The following PAPPA2 variants were observed in gnomAD, a reference collection of about 807,000 sequenced individuals.
PAPPA2 encodes the protein pappalysin 2.
In PAPPA2, 86 loss-of-function variants were observed where a neutral mutation model predicts 176.4. The observed-to-expected ratio is 0.49, with a 90% CI of 0.41 to 0.58. The LOEUF (loss-of-function observed/expected upper bound fraction) is 0.58, where lower values mean the gene tolerates loss of function less well. Among genes scored for constraint, PAPPA2 ranks in the 20% least tolerant of loss-of-function variants. The pLI, the probability that PAPPA2 is intolerant of heterozygous loss-of-function variation, is 0.00. For synonymous variants in PAPPA2, 809 were observed against 852.2 expected (o/e 0.95, Z 0.88); for missense variants, 2,073 against 2,256.9 (o/e 0.92, Z 1.65).
At position 176,556,974 on chromosome 1, in the gene PAPPA2, C is replaced by G; in HGVS notation, c.652C>G (p.His218Asp). 1 of 1,614,124 alleles carries G rather than the reference C, an allele frequency of 6.2e-7. No homozygotes were observed. The highest frequency in any genetic ancestry group is 1.3e-5 in the African/African-American group (1 of 75,030). ...GCAGGGAGACTCCGGTATCTCTTCACATTTCCAACCTTGGCCCAAGCATTC... is the reference window on the plus strand; with the variant it reads ...GCAGGGAGACTCCGGTATCTCTTCAGATTTCCAACCTTGGCCCAAGCATTC... ...DGQGDSGISS[H>D]FQPWPKHSLK... Residue 218 changes from histidine (H) to aspartate (D), a missense_variant, in exon 2 of 23, where the codon CAT becomes GAT. Physicochemically the swap from His to Asp is moderately conservative, Grantham distance 81. This residue lies in a region of PAPPA2 where 1,196 missense variants were observed against 1,330.4 expected (regional missense o/e 0.90). Coordinates refer to ENST00000367662, the MANE Select transcript of PAPPA2 (RefSeq NM_020318.3).
intron 18 of PAPPA2, among the ~76,000 whole-genome samples, chr1:176,790,669 G>T (rs763070555): frequency 6.6e-6 from 1 of 152,262 alleles, no homozygotes; most frequent in South Asian, 2.1e-4. Flanking sequence ...CGGTTGCACT[G>T]ATGGGTTAAG....
chr1:176,816,845 G>GT (rs1028887030), intron 21 of PAPPA2, among the ~76,000 whole-genome samples: 2 of 152,080 alleles, frequency 1.3e-5, no homozygotes, highest in African/African-American at 2.4e-5. Context: ...TTACTTTGCT[G>GT]TTTTTTCTCT....
chr1:176,791,529 T>C (rs757740300), intron 19 of PAPPA2, 47 bp downstream of exon 19: 5 of 1,567,288 alleles, frequency 3.2e-6, no homozygotes, highest in African/African-American at 2.7e-5. Context: ...GTCATTCTTT[T>C]ATTAAGCACA....
At chr1:176,622,736 C>T (rs1326811179) in intron 3 of PAPPA2, among the ~76,000 whole-genome samples, 2 of 152,156 alleles carry the variant, frequency 1.3e-5, no homozygotes, top group East Asian at 3.9e-4. Context: ...CTTTCAAAAT[C>T]AACTGTTTTG....
intron 1 of PAPPA2, among the ~76,000 whole-genome samples, chr1:176,531,318 C>T (rs1174483235): frequency 6.6e-6 from 1 of 152,140 alleles, no homozygotes; most frequent in Non-Finnish European, 1.5e-5. Flanking sequence ...TATCAAAGTC[C>T]AAGGCTGTGG....
chr1:176,658,552 C>T (rs942207997), intron 3 of PAPPA2, among the ~76,000 whole-genome samples: 1 of 151,808 alleles, frequency 6.6e-6, no homozygotes, highest in African/African-American at 2.4e-5. Context: ...TTATTTTAGG[C>T]TGGGGTGATC....
Position 176,842,556 on chromosome 1 carries a change from T to C in PAPPA2, c.*102T>C. On this transcript the variant is annotated 3_prime_UTR_variant, in exon 23 of 23. Coordinates refer to ENST00000367662, the MANE Select transcript of PAPPA2 (RefSeq NM_020318.3). ...TGAATGAAGAAGAACAATCATGAAA[T>C]GGAAGAAGGAGGAAGAGCATGAAGG... The C allele has an allele frequency of 9.3e-7, 1 of 1,080,686 alleles. No individual in the cohort carries two copies. Among genetic ancestry groups the C allele is most frequent in the Non-Finnish European group, 1.4e-6 (1 of 722,646 alleles). The allele number at this position is 1,080,686 out of a possible 1,614,324, so 66.9% of individuals were successfully genotyped here.
intron 1 of PAPPA2, among the ~76,000 whole-genome samples, chr1:176,522,060 C>T (rs987046661): frequency 3.9e-5 from 6 of 152,276 alleles, no homozygotes; most frequent in Non-Finnish European, 5.9e-5. Context: ...GACCTAGATC[C>T]AAACTCTGGC....
At chr1:176,480,465 G>A (rs1249370763) in intron 1 of PAPPA2, among the ~76,000 whole-genome samples, 2 of 152,152 alleles carry the variant, frequency 1.3e-5, no homozygotes, top group Non-Finnish European at 2.9e-5. Context: ...GAACTGAGAG[G>A]CTAAGCAGGG....
In PAPPA2 at chr1:176,810,250, C is replaced by T. The variant is rs1666090850; in HGVS notation, c.5202+10118C>T. Among the ~76,000 whole-genome samples the T allele has an allele frequency of 2.0e-5, 3 of 152,056 alleles. No individual in the cohort carries two copies. The South Asian group carries it at 6.2e-4, about 32-fold the overall frequency. On this transcript the variant is annotated intron_variant, in intron 21 of 22. Transcript: ENST00000367662. ...GACAGAATTCAGGCAGGCAGTTTTG[C>T]ATTCATCCATAGAGCTCAGATGCTC...
intron 14 of PAPPA2, among the ~76,000 whole-genome samples, chr1:176,746,650 A>C (rs1662924069): frequency 6.6e-6 from 1 of 152,214 alleles, no homozygotes; most frequent in South Asian, 2.1e-4. Flanking sequence ...AACATAAAGT[A>C]TAAATACCTT....
At chr1:176,824,383 C>T (rs986039415) in intron 21 of PAPPA2, among the ~76,000 whole-genome samples, 1 of 152,192 alleles carries the variant, frequency 6.6e-6, no homozygotes, top group Admixed American at 6.5e-5. Context: ...AAACATCCTA[C>T]AAGTAGTTAA....
intron 9 of PAPPA2, 119 bp downstream of exon 9, chr1:176,702,854 T>G: frequency 7.5e-7 from 1 of 1,332,208 alleles, no homozygotes; most frequent in South Asian, 1.4e-5. Flanking sequence ...TTTCAGGAGT[T>G]TGACTTGTTT....
At chr1:176,471,219 T>G (rs1166648014) in intron 1 of PAPPA2, among the ~76,000 whole-genome samples, 1 of 152,078 alleles carries the variant, frequency 6.6e-6, no homozygotes, top group Non-Finnish European at 1.5e-5. Flanking sequence ...CTGAGGGATT[T>G]GAGGTGCTGC....
intron 21 of PAPPA2, among the ~76,000 whole-genome samples, chr1:176,822,522 T>C (rs1418542807): frequency 6.6e-6 from 1 of 152,214 alleles, no homozygotes; most frequent in Non-Finnish European, 1.5e-5. Flanking sequence ...AGGCAAGAGC[T>C]ATACTCACAA....
At chr1:176,518,452 T>TAAAAA (rs368157026) in intron 1 of PAPPA2, among the ~76,000 whole-genome samples, 1 of 121,740 alleles carries the variant, frequency 8.2e-6, no homozygotes, top group Admixed American at 8.7e-5. Flanking sequence ...GCTTGACAGG[T>TAAAAA]AAAAAAAAAA....
chr1:176,571,608 C>G (rs1006405157), intron 2 of PAPPA2, among the ~76,000 whole-genome samples: 1 of 152,188 alleles, frequency 6.6e-6, no homozygotes. Context: ...GGCTCATGTT[C>G]CTCAGTCCCA....
chr1:176,771,148 T>G lies in PAPPA2; in HGVS notation c.4683T>G (p.Tyr1561Ter). The G allele has an allele frequency of 6.2e-7, 1 of 1,614,190 alleles. No homozygotes were observed. The highest frequency in any genetic ancestry group is 8.5e-7 in the Non-Finnish European group (1 of 1,180,024). Residue 1561 changes from tyrosine (Y) to a stop codon, truncating the protein, a stop_gained, in exon 17 of 23, where the codon TAT becomes TAG. Transcript: ENST00000367662. LOFTEE classifies it high-confidence loss of function. ...AATATGAATGCAAACCAGGGTACTA[T>G]GTGGCAGAAAGTGCAGAGGGTAAAG... ...ICKYECKPGY[Y>*]VAESAEGKVR...
At chr1:176,694,462 G>A (rs1028016919) in intron 6 of PAPPA2, among the ~76,000 whole-genome samples, 51 of 152,342 alleles carry the variant, frequency 3.3e-4, no homozygotes, top group African/African-American at 1.2e-3. Context: ...ACGACACAGC[G>A]GCACAATGCC....
Sources: allele counts gnomAD v4.1 joint callset (sites outside exome capture counted in the v4.1 genomes callset), GRCh38; gene constraint gnomAD v4.1.1; regional missense constraint gnomAD v4.1.1; transcripts MANE v1.5; gene names NCBI Gene and HGNC (gene_info 2026-07-23, HGNC 2026-07-21).